The following RGS7 variants were observed in gnomAD, a reference collection of about 807,000 sequenced individuals.
RGS7 encodes the protein regulator of G protein signaling 7, also known as regulator of G-protein signaling 7.
In RGS7, 27 loss-of-function variants were observed where a neutral mutation model predicts 81.1. That is an observed-to-expected ratio of 0.33 (90% CI 0.25 to 0.46). The LOEUF (loss-of-function observed/expected upper bound fraction) is 0.46. RGS7 is among the 20% of genes least tolerant of loss of function. RGS7 has a pLI of 1.00. For synonymous variants in RGS7, 208 were observed against 207.7 expected, an observed-to-expected ratio of 1.00 and a Z score of -0.01; for missense variants, 396 against 607.4, an observed-to-expected ratio of 0.65 and a Z score of 3.66.
intron 6 of RGS7, among the ~76,000 whole-genome samples, chr1:240,925,289 A>C (rs1428416893): frequency 2.6e-5 from 4 of 151,894 alleles, no homozygotes; most frequent in African/African-American, 9.7e-5. Context: ...CATTCCCCCC[A>C]CCAGTACCTG....
At chr1:241,131,884 C>T (rs953749411) in intron 2 of RGS7, among the ~76,000 whole-genome samples, 24 of 152,182 alleles carry the variant, frequency 1.6e-4, no homozygotes, top group Non-Finnish European at 2.9e-5. Flanking sequence ...AAAGACATTT[C>T]GTTAATGGTC....
intron 2 of RGS7, among the ~76,000 whole-genome samples, chr1:241,120,266 A>C (rs1167767341): frequency 2.0e-5 from 3 of 152,190 alleles, no homozygotes; most frequent in Admixed American, 2.0e-4. Flanking sequence ...AGGGGCTTTG[A>C]GAAGCCTTTT....
intron 2 of RGS7, among the ~76,000 whole-genome samples, chr1:241,202,011 G>GACACACACACACACACACACAC (rs60399497): frequency 8.3e-5 from 12 of 145,062 alleles, no homozygotes; most frequent in African/African-American, 3.1e-4. Flanking sequence ...GACACACACA[G>GACACACACACACACACACACAC]ACACACACAC....
intron 2 of RGS7, among the ~76,000 whole-genome samples, chr1:241,184,592 T>C (rs986530387): frequency 1.3e-5 from 2 of 152,234 alleles, no homozygotes; most frequent in African/African-American, 4.8e-5. Flanking sequence ...ACAAACTTTG[T>C]TTCATAAGGA....
At chr1:241,102,654 C>T (rs933776540) in intron 2 of RGS7, among the ~76,000 whole-genome samples, 3 of 152,038 alleles carry the variant, frequency 2.0e-5, no homozygotes, top group Admixed American at 2.0e-4. Flanking sequence ...ATTAAAGTCT[C>T]GCAAGTATGT....
chr1:240,867,288 A>C (rs1663488105), intron 9 of RGS7, among the ~76,000 whole-genome samples: 1 of 152,214 alleles, frequency 6.6e-6, no homozygotes, highest in Non-Finnish European at 1.5e-5. Context: ...CTCTGAAGGT[A>C]GTTGGGAGAA....
intron 2 of RGS7, among the ~76,000 whole-genome samples, chr1:241,238,620 G>A (rs1011335706): frequency 1.3e-5 from 2 of 151,802 alleles, no homozygotes; most frequent in East Asian, 1.9e-4. Flanking sequence ...CCGTAGCCTC[G>A]AACTCCTGGG....
intron 2 of RGS7, among the ~76,000 whole-genome samples, chr1:241,307,868 G>A (rs2080272232): frequency 6.6e-6 from 1 of 152,196 alleles, no homozygotes; most frequent in African/African-American, 2.4e-5. Flanking sequence ...CATTGGGTGG[G>A]TGTCCTCAGC....
At chr1:240,983,223 G>A (rs945933904) in intron 3 of RGS7, 94 bp from the exon 4 acceptor site, 3 of 663,342 alleles carry the variant, frequency 4.5e-6, no homozygotes, top group African/African-American at 1.8e-5. Context: ...GCTCATATTA[G>A]AAGGAACTTT....
intron 3 of RGS7, among the ~76,000 whole-genome samples, chr1:240,985,385 C>G (rs540580834): frequency 6.6e-6 from 1 of 152,292 alleles, no homozygotes; most frequent in East Asian, 1.9e-4. Context: ...TTGAAAAATG[C>G]TCTTAGAGAC....
At chr1:240,856,706 G>T (rs931859120) in intron 9 of RGS7, among the ~76,000 whole-genome samples, 2 of 152,084 alleles carry the variant, frequency 1.3e-5, no homozygotes, top group African/African-American at 4.8e-5. Context: ...TCCTTCAAAA[G>T]ATAATTTTGA....
intron 6 of RGS7, among the ~76,000 whole-genome samples, chr1:240,878,519 A>G (rs1572554582): frequency 1.0e-5 from 1 of 96,948 alleles, no homozygotes; most frequent in Non-Finnish European, 2.2e-5. Flanking sequence ...TTGATGAATT[A>G]ACTAATTAAC....
chr1:241,340,362 T>C (rs1573753375), intron 2 of RGS7, among the ~76,000 whole-genome samples: 1 of 152,162 alleles, frequency 6.6e-6, no homozygotes, highest in South Asian at 2.1e-4. Context: ...TCACTAATGC[T>C]GTCCAAACTT....
At position 240,779,527 on chromosome 1, in the gene RGS7, G is replaced by T. The variant is rs944905562; in HGVS notation, c.*7-3314C>A. 5.3e-5 allele frequency among the ~76,000 whole-genome samples: 8 copies of T among 152,134 alleles called. No homozygotes were observed. In the South Asian group the frequency reaches 1.0e-3, roughly 20 times the overall value. On this transcript the variant is annotated intron_variant, in intron 18 of 18. Transcript: ENST00000440928. ...CCAGGTGAGGACACAGTAGGAAGAT[G>T]GCTGTCTATGAACCAGGAAGGGGGC...
rs752709117 is a variant in RGS7 at position 241,123,323 on chromosome 1, AC to A, written c.79-24562del. ...GCTGCTCCTTTCTGTCCATAAAATA[AC>A]TGCCTTAGTTCAGGCAGTTATGGCT... On this transcript the variant is annotated intron_variant, in intron 2 of 18. Transcript: ENST00000440928. Among the ~76,000 whole-genome samples the A allele has an allele frequency of 8.5e-5, 13 of 152,282 alleles. No individual in the cohort carries two copies. The South Asian group carries it at 1.0e-3, about 12-fold the overall frequency.
rs397947911 is a variant in RGS7 at position 241,291,570 on chromosome 1, C to CTTTTTTTTTTTTTTTTTTT, written c.78+64128_78+64129insAAAAAAAAAAAAAAAAAAA. On this transcript the variant is annotated intron_variant, in intron 2 of 18. Transcript: ENST00000440928. The stretch of plus-strand genomic sequence containing the variant: ...CCTTTCTGGCTCAGAGAATTCCCAG[C>CTTTTTTTTTTTTTTTTTTT]TTTTTTTTTTTTTTTTTGCTTTTTT... Among the ~76,000 whole-genome samples the CTTTTTTTTTTTTTTTTTTT allele has an allele frequency of 2.1e-3, 202 of 94,134 alleles. 1 individual carries two copies. The highest frequency in any genetic ancestry group is 9.3e-3 in the Middle Eastern group (1 of 108). The allele number at this position is 94,134 out of a possible 152,430, so 61.8% of individuals were successfully genotyped here. A position where few individuals can be genotyped will look rare whatever the true frequency, so the allele number is the denominator to read the frequency against.
At chr1:240,945,812 G>A (rs944468483) in intron 4 of RGS7, among the ~76,000 whole-genome samples, 3 of 152,096 alleles carry the variant, frequency 2.0e-5, no homozygotes, top group Non-Finnish European at 2.9e-5. Flanking sequence ...AAAAATCCTA[G>A]TTTATAAAAG....
At chr1:240,938,410 C>G (rs1174023510) in intron 4 of RGS7, among the ~76,000 whole-genome samples, 1 of 152,210 alleles carries the variant, frequency 6.6e-6, no homozygotes, top group African/African-American at 2.4e-5. Context: ...CTATCTATAT[C>G]TCCAGCCATC....
At chr1:241,086,085 AT>A (rs780005864) in intron 3 of RGS7, among the ~76,000 whole-genome samples, 46 of 152,256 alleles carry the variant, frequency 3.0e-4, no homozygotes, top group Middle Eastern at 3.4e-3. Flanking sequence ...TGATTTTCTC[AT>A]TCCACACACA....
Sources: gnomAD v4.1 joint callset for allele counts (sites outside exome capture counted in the v4.1 genomes callset) on GRCh38, gnomAD v4.1.1 for gene constraint, MANE v1.5 for transcripts, NCBI Gene and HGNC (gene_info 2026-07-23, HGNC 2026-07-21) for gene names.